Variants in BCAP31 observed in about 807,000 individuals in gnomAD.
The protein encoded by BCAP31 is B cell receptor associated protein 31.
For missense variants in BCAP31, 124 were observed against 193.0 expected, an observed-to-expected ratio of 0.64 and a Z score of 2.12; for synonymous variants, 75 against 80.9, an observed-to-expected ratio of 0.93 and a Z score of 0.39.
At chrX:153,705,542 G>GCTGCCCACCAGC (rs782059328) in intron 4 of BCAP31, 1 of 113,153 alleles carries the variant, frequency 8.8e-6, no homozygotes, top group South Asian at 3.6e-4. Context: ...TCAGCCCCCA[G>GCTGCCCACCAGC]CTGCCCACCA....
At chrX:153,703,928 G>T (rs782152638) in intron 5 of BCAP31, 31 bp downstream of exon 5, 1 of 1,204,858 alleles carries the variant, frequency 8.3e-7, no homozygotes, top group South Asian at 1.8e-5. Flanking sequence ...ACACCAGGAC[G>T]CCCCATGGTG....
chrX:153,708,379 G>T (rs781847670), intron 4 of BCAP31, among the ~76,000 whole-genome samples: 1 of 112,525 alleles, frequency 8.9e-6, no homozygotes, highest in Non-Finnish European at 1.9e-5. Context: ...AATAGGAAAT[G>T]GAGAAGGAGC....
At chrX:153,708,366 C>A (rs2091567963) in intron 4 of BCAP31, among the ~76,000 whole-genome samples, 1 of 112,519 alleles carries the variant, frequency 8.9e-6, no homozygotes, top group Non-Finnish European at 1.9e-5. Flanking sequence ...AGGACACGGG[C>A]TTAATAGGAA....
chrX:153,722,458 T>G (rs1325430171), intron 2 of BCAP31, among the ~76,000 whole-genome samples: 1 of 111,780 alleles, frequency 8.9e-6, no homozygotes, highest in African/African-American at 3.3e-5. Flanking sequence ...GCACGTCTTG[T>G]CAACTGTACG....
intron 2 of BCAP31, among the ~76,000 whole-genome samples, chrX:153,722,172 G>C (rs1047129953): frequency 8.9e-6 from 1 of 111,751 alleles, no homozygotes; most frequent in Non-Finnish European, 1.9e-5. Flanking sequence ...GACTTCAGAA[G>C]TGTTTACATA....
intron 4 of BCAP31, among the ~76,000 whole-genome samples, chrX:153,710,621 T>G (rs2091585008): frequency 8.9e-6 from 1 of 111,779 alleles, no homozygotes; most frequent in Non-Finnish European, 1.9e-5. Flanking sequence ...CCCACTGCTA[T>G]CCCAGGCAGC....
intron 4 of BCAP31, among the ~76,000 whole-genome samples, chrX:153,713,459 G>A (rs1041304982): frequency 8.9e-6 from 1 of 112,094 alleles, no homozygotes; most frequent in Non-Finnish European, 1.9e-5. Context: ...CAATGATCCC[G>A]CTCTTCTTTT....
At chrX:153,702,152 G>A (rs782503671) in intron 6 of BCAP31, 45 bp from the exon 7 acceptor site, 1 of 1,100,282 alleles carries the variant, frequency 9.1e-7, no homozygotes, top group Non-Finnish European at 1.2e-6. Context: ...CGAAAAGACA[G>A]GAATTAGGGG....
At chrX:153,701,248 G>T (rs1360009306) in intron 7 of BCAP31, among the ~76,000 whole-genome samples, 1 of 112,232 alleles carries the variant, frequency 8.9e-6, no homozygotes. Context: ...TGGCTGCAGG[G>T]AACAGCAAGG....
intron 4 of BCAP31, 52 bp downstream of exon 4, chrX:153,715,490 G>A: frequency 8.4e-7 from 1 of 1,194,867 alleles, no homozygotes; most frequent in Non-Finnish European, 1.1e-6. Flanking sequence ...CGGTGTCCAT[G>A]GCTAGCCCAT....
At chrX:153,715,452 A>G in intron 4 of BCAP31, 90 bp downstream of exon 4, 1 of 1,117,294 alleles carries the variant, frequency 9.0e-7, no homozygotes, top group Non-Finnish European at 1.2e-6. Context: ...AATCAAAGTC[A>G]CAGGGGGGAG....
intron 4 of BCAP31, 115 bp downstream of exon 4, chrX:153,715,427 C>T (rs1557049896): frequency 9.5e-7 from 1 of 1,054,834 alleles, no homozygotes. Context: ...GGATCCAGGC[C>T]ACAGACTGAG....
chrX:153,715,715 G>A (rs781851374), intron 3 of BCAP31, 26 bp from the exon 4 acceptor site: 14 of 1,205,795 alleles, frequency 1.2e-5, no homozygotes, highest in Admixed American at 4.4e-5. Flanking sequence ...GAGGAGACAC[G>A]GGCATTTAGC....
At chrX:153,713,910 T>A (rs1557049613) in intron 4 of BCAP31, among the ~76,000 whole-genome samples, 1 of 90,388 alleles carries the variant, frequency 1.1e-5, no homozygotes, top group Non-Finnish European at 2.1e-5. Context: ...TTTTTTGAGA[T>A]GTCACCCAGG....
intron 4 of BCAP31, among the ~76,000 whole-genome samples, chrX:153,706,459 G>A (rs1330637136): frequency 3.6e-5 from 4 of 112,441 alleles, no homozygotes; most frequent in Non-Finnish European, 5.6e-5. Flanking sequence ...CGCCCAGGCC[G>A]GAGGTCACCC....
intron 4 of BCAP31, among the ~76,000 whole-genome samples, chrX:153,710,478 G>A (rs1279164228): frequency 8.9e-6 from 1 of 111,883 alleles, no homozygotes; most frequent in African/African-American, 3.3e-5. Flanking sequence ...GGCCACGATG[G>A]TTGGGCAGTC....
At chrX:153,709,941 G>C (rs188173217) in intron 4 of BCAP31, among the ~76,000 whole-genome samples, 212 of 112,715 alleles carry the variant, frequency 1.9e-3, no homozygotes, top group African/African-American at 3.1e-3. Flanking sequence ...TGGGACCCGA[G>C]GACAGCGCTA....
At position 153,700,860 on chromosome X, in the gene BCAP31, G is replaced by A. The variant is rs2091513339; in HGVS notation, c.*77C>T. The A allele has an allele frequency of 9.8e-7, 1 of 1,015,573 alleles. No homozygotes were observed. Among genetic ancestry groups the A allele is most frequent in the Non-Finnish European group, 1.4e-6 (1 of 726,151 alleles). The allele number at this position is 1,015,573 out of a possible 1,213,427, so 83.7% of individuals were successfully genotyped here. Reference sequence around the variant, plus strand: ...AAGGGCACAAACAGAAGTACTGGAGGGAGAGGCCGGGCTCTCAGGAAGCAG... The same window carrying A: ...AAGGGCACAAACAGAAGTACTGGAGAGAGAGGCCGGGCTCTCAGGAAGCAG... On this transcript the variant is annotated 3_prime_UTR_variant, in exon 8 of 8. Coordinates refer to ENST00000345046, the MANE Select transcript of BCAP31 (RefSeq NM_001256447.2).
chrX:153,721,435 CAAAA>C (rs782544895), intron 2 of BCAP31, among the ~76,000 whole-genome samples: 5 of 32,579 alleles, frequency 1.5e-4, no homozygotes, highest in Admixed American at 4.0e-4. Flanking sequence ...GACCTTGTCT[CAAAA>C]AAAAAAAAAA....
Sources: gnomAD v4.1 joint callset for allele counts (sites outside exome capture counted in the v4.1 genomes callset) on GRCh38, gnomAD v4.1.1 for gene constraint, MANE v1.5 for transcripts, NCBI Gene and HGNC (gene_info 2026-07-23, HGNC 2026-07-21) for gene names.